NHEJ1: variants seen among roughly 807,000 people sequenced by gnomAD.
NHEJ1 encodes the protein non-homologous end joining factor 1, also known as non-homologous end-joining factor 1.
NHEJ1 carries 22 observed loss-of-function variants against 39.4 expected under a neutral mutation model. The ratio of observed to expected loss-of-function variants is 0.56; its 90% confidence interval spans 0.40 to 0.80. NHEJ1 has a LOEUF of 0.80. Among genes scored for constraint, NHEJ1 ranks in the 30% least tolerant of loss-of-function variants. The probability of loss-of-function intolerance (pLI) is 0.00; values close to 1 mark genes in which losing one functional copy is unlikely to be tolerated. For missense variants in NHEJ1, 329 were observed against 357.1 expected, an observed-to-expected ratio of 0.92 and a Z score of 0.63; for synonymous variants, 154 against 135.6, an observed-to-expected ratio of 1.14 and a Z score of -0.94.
At chr2:219,083,601 TGAGA>T (rs2106323725) in intron 5 of NHEJ1, among the ~76,000 whole-genome samples, 1 of 152,128 alleles carries the variant, frequency 6.6e-6, no homozygotes, top group African/African-American at 2.4e-5. Context: ...CGGTTTATTT[TGAGA>T]GAGAGAGGAG....
In NHEJ1 at chr2:219,088,835, C is replaced by G. The variant is rs531542860; in HGVS notation, c.589-10629G>C. Reference sequence around the variant, plus strand: ...TTTTTTGTTTGTTTGTTTTTTGAGACGGAGTCTCACTCTGTTACCCAGGCT... The same window carrying G: ...TTTTTTGTTTGTTTGTTTTTTGAGAGGGAGTCTCACTCTGTTACCCAGGCT... On this transcript the variant is annotated intron_variant, in intron 5 of 7. Transcript: ENST00000356853. Among the ~76,000 whole-genome samples, 4 of 152,244 alleles carry G rather than the reference C, an allele frequency of 2.6e-5. No homozygotes were observed. The South Asian group carries it at 8.3e-4, about 32-fold the overall frequency.
rs1313105758 is a variant in NHEJ1 at position 219,129,899 on chromosome 2, T to A, written c.588+16781A>T. 2.6e-5 allele frequency among the ~76,000 whole-genome samples: 4 copies of A among 152,268 alleles called. No individual in the cohort carries two copies. In the East Asian group the frequency reaches 7.7e-4, roughly 29 times the overall value. Reference sequence around the variant, plus strand: ...TTATAGTCTGTTTACCAAGATGCTGTTTTTACTGCCGAGGTTTCTCTCATT... The same window carrying A: ...TTATAGTCTGTTTACCAAGATGCTGATTTTACTGCCGAGGTTTCTCTCATT... On this transcript the variant is annotated intron_variant, in intron 5 of 7. Coordinates refer to ENST00000356853, the MANE Select transcript of NHEJ1 (RefSeq NM_024782.3).
intron 5 of NHEJ1, among the ~76,000 whole-genome samples, chr2:219,119,910 C>T (rs1173086362): frequency 6.6e-6 from 1 of 152,112 alleles, no homozygotes; most frequent in African/African-American, 2.4e-5. Flanking sequence ...AGAGTCTGGC[C>T]GATTTGAGAA....
chr2:219,103,968 T>A (rs760155747), intron 5 of NHEJ1, among the ~76,000 whole-genome samples: 1 of 152,220 alleles, frequency 6.6e-6, no homozygotes, highest in Non-Finnish European at 1.5e-5. Context: ...AGGTGTTTAA[T>A]AGAATTTATA....
At chr2:219,159,569 A>T (rs1330855133) in intron 1 of NHEJ1, among the ~76,000 whole-genome samples, 1 of 14,322 alleles carries the variant, frequency 7.0e-5, no homozygotes, top group Non-Finnish European at 6.1e-4. Context: ...ATATGCATAT[A>T]TATATGCATA....
intron 5 of NHEJ1, among the ~76,000 whole-genome samples, chr2:219,106,699 T>C (rs960392077): frequency 3.9e-5 from 6 of 152,182 alleles, no homozygotes; most frequent in African/African-American, 1.4e-4. Flanking sequence ...TTTACCATTA[T>C]GCAAAATGTA....
rs1948975200 is a variant in NHEJ1 at position 219,072,923 on chromosome 2, C to T, written c.*3458G>A. 6.6e-6 allele frequency among the ~76,000 whole-genome samples: 1 copy of T among 152,206 alleles called. No homozygotes were observed. The highest frequency in any genetic ancestry group is 2.1e-4 in the South Asian group (1 of 4,822). On this transcript the variant is annotated 3_prime_UTR_variant, in exon 8 of 8. Coordinates refer to ENST00000356853, the MANE Select transcript of NHEJ1 (RefSeq NM_024782.3). ...CAGCCTTTTCCATTCCCCACTCCTCCCGCCAGCTTTGTACAGAGTACACAA... is the reference window on the plus strand; with the variant it reads ...CAGCCTTTTCCATTCCCCACTCCTCTCGCCAGCTTTGTACAGAGTACACAA...
chr2:219,088,867 C>T (rs76426653), intron 5 of NHEJ1, among the ~76,000 whole-genome samples: 8,914 of 152,220 alleles, frequency 0.059, 852 homozygotes, highest in East Asian at 0.46. Context: ...GGCTGGAGTG[C>T]GGTGGCGTGA....
chr2:219,092,598 G>T (rs1949170862), intron 5 of NHEJ1, among the ~76,000 whole-genome samples: 1 of 152,206 alleles, frequency 6.6e-6, no homozygotes, highest in South Asian at 2.1e-4. Flanking sequence ...CTAAATTTCA[G>T]TTACAGGTTA....
At chr2:219,157,230 T>C (rs969057489) in intron 3 of NHEJ1, among the ~76,000 whole-genome samples, 2 of 152,206 alleles carry the variant, frequency 1.3e-5, no homozygotes, top group African/African-American at 2.4e-5. Flanking sequence ...ATTAGCCCAT[T>C]GTAGATGCTT....
chr2:219,142,876 C>T (rs1444772692), intron 5 of NHEJ1, among the ~76,000 whole-genome samples: 6 of 152,178 alleles, frequency 3.9e-5, no homozygotes, highest in African/African-American at 1.2e-4. Context: ...TCTAGTTAGG[C>T]CACTATCAAC....
chr2:219,080,476 G>C (rs1176020150), intron 5 of NHEJ1, among the ~76,000 whole-genome samples: 2 of 151,284 alleles, frequency 1.3e-5, no homozygotes, highest in South Asian at 2.1e-4. Flanking sequence ...GGTGAGCTGA[G>C]ATTGCGCCAC....
intron 5 of NHEJ1, among the ~76,000 whole-genome samples, chr2:219,115,947 C>G (rs1330205194): frequency 2.0e-5 from 3 of 152,148 alleles, no homozygotes; most frequent in African/African-American, 7.2e-5. Context: ...TGGTGAAACT[C>G]TGCCTCTACT....
intron 5 of NHEJ1, among the ~76,000 whole-genome samples, chr2:219,144,637 A>C (rs938769413): frequency 6.6e-6 from 1 of 152,166 alleles, no homozygotes; most frequent in African/African-American, 2.4e-5. Context: ...GCAAATTAAA[A>C]GTCATTCCAT....
chr2:219,091,101 G>A (rs1949156149), intron 5 of NHEJ1, among the ~76,000 whole-genome samples: 1 of 152,158 alleles, frequency 6.6e-6, no homozygotes, highest in East Asian at 1.9e-4. Flanking sequence ...GTAGAGACAT[G>A]GCCACTGCCC....
intron 5 of NHEJ1, among the ~76,000 whole-genome samples, chr2:219,130,647 T>G (rs1225048333): frequency 6.6e-6 from 1 of 152,206 alleles, no homozygotes; most frequent in Non-Finnish European, 1.5e-5. Context: ...TCTCCAGCTG[T>G]GCAAAGCCCC....
chr2:219,112,311 A>T (rs1869802), intron 5 of NHEJ1, among the ~76,000 whole-genome samples: 3 of 151,974 alleles, frequency 2.0e-5, no homozygotes, highest in Non-Finnish European at 4.4e-5. Flanking sequence ...AGCTCAAGGA[A>T]CCCCAGTTTC....
At chr2:219,159,562 T>C (rs1353820677) in intron 1 of NHEJ1, among the ~76,000 whole-genome samples, 1 of 11,220 alleles carries the variant, frequency 8.9e-5, no homozygotes, top group African/African-American at 1.8e-4. Context: ...CATATATATA[T>C]GCATATATAT....
At chr2:219,121,378 A>C (rs1285840199) in intron 5 of NHEJ1, among the ~76,000 whole-genome samples, 2 of 152,170 alleles carry the variant, frequency 1.3e-5, no homozygotes, top group Non-Finnish European at 2.9e-5. Context: ...TATATGTGTT[A>C]ATTTTCCATA....
Sources: allele counts gnomAD v4.1 joint callset (sites outside exome capture counted in the v4.1 genomes callset), GRCh38; gene constraint gnomAD v4.1.1; transcripts MANE v1.5; gene names NCBI Gene and HGNC (gene_info 2026-07-23, HGNC 2026-07-21).